Variants in PUM1 observed in about 807,000 individuals in gnomAD.
The protein encoded by PUM1 is pumilio RNA binding family member 1.
A neutral mutation model predicts 131.8 loss-of-function variants in PUM1; 13 were observed. That is an observed-to-expected ratio of 0.10 (90% CI 0.06 to 0.16). The LOEUF is 0.16. Among genes scored for constraint, PUM1 ranks in the 10% least tolerant of loss-of-function variants. The pLI is 1.00. For synonymous variants in PUM1, 509 were observed against 556.5 expected, an observed-to-expected ratio of 0.91 and a Z score of 1.20; for missense variants, 961 against 1,512.4, an observed-to-expected ratio of 0.64 and a Z score of 6.05.
intron 5 of PUM1, among the ~76,000 whole-genome samples, chr1:30,995,677 C>T (rs1343814758): frequency 1.3e-5 from 2 of 152,150 alleles, no homozygotes; most frequent in Non-Finnish European, 2.9e-5. Context: ...TCATACTTCT[C>T]CACTGCACTA....
chr1:30,976,523 T>C (rs961673427), intron 9 of PUM1, among the ~76,000 whole-genome samples: 2 of 152,176 alleles, frequency 1.3e-5, no homozygotes, highest in African/African-American at 2.4e-5. Flanking sequence ...CCAAAATAAA[T>C]AGACACATAT....
chr1:30,944,684 C>T (rs1235278994), intron 18 of PUM1, among the ~76,000 whole-genome samples: 4 of 152,178 alleles, frequency 2.6e-5, no homozygotes, highest in African/African-American at 9.7e-5. Flanking sequence ...AACATTAGTA[C>T]CGTAAATTAC....
At chr1:31,041,285 C>A (rs1241662369) in intron 2 of PUM1, among the ~76,000 whole-genome samples, 2 of 152,020 alleles carry the variant, frequency 1.3e-5, no homozygotes, top group Non-Finnish European at 2.9e-5. Context: ...GTATGTTGCC[C>A]CAGCTGTTCT....
intron 9 of PUM1, 26 bp from the exon 10 acceptor site, chr1:30,974,828 G>C (rs746995069): frequency 1.3e-6 from 2 of 1,591,004 alleles, no homozygotes; most frequent in South Asian, 2.3e-5. Flanking sequence ...GAAAGGTAAA[G>C]AAAGTCTGAA....
intron 2 of PUM1, among the ~76,000 whole-genome samples, chr1:31,031,145 T>TAGG (rs1056695122): frequency 3.4e-5 from 4 of 119,234 alleles, no homozygotes; most frequent in Admixed American, 2.9e-4. Flanking sequence ...GGATGTTAGC[T>TAGG]AGGAACTCTA....
rs182081080 is a variant in PUM1, at chr1:30,968,527, T to G, written c.1507-35A>C. 321 of 1,581,116 alleles carry G rather than the reference T, an allele frequency of 2.0e-4. 7 individuals carry two copies. The East Asian group carries it at 3.3e-3, about 16-fold the overall frequency. On this transcript the variant is annotated intron_variant, in intron 10 of 21. Transcript: ENST00000426105. ...GAAGACAGAAATAACTCAACCACTT[T>G]CTTTTCATTGGAGAAGACCTACCCT... is the stretch of plus-strand genomic sequence containing the variant.
At chr1:30,965,743 G>C (rs1344338497) in intron 13 of PUM1, among the ~76,000 whole-genome samples, 3 of 152,080 alleles carry the variant, frequency 2.0e-5, no homozygotes, top group African/African-American at 7.2e-5. Flanking sequence ...ATCTTCCCTA[G>C]ATTTCAAATC....
At chr1:31,043,549 A>T (rs1324574623) in intron 2 of PUM1, among the ~76,000 whole-genome samples, 1 of 152,170 alleles carries the variant, frequency 6.6e-6, no homozygotes, top group Non-Finnish European at 1.5e-5. Context: ...AATACATATA[A>T]TAACCAAGAC....
intron 2 of PUM1, among the ~76,000 whole-genome samples, chr1:31,056,653 G>T (rs1644248944): frequency 1.0e-5 from 1 of 96,112 alleles, no homozygotes; most frequent in Non-Finnish European, 1.9e-5. Context: ...TTGAGACAGG[G>T]TCCCACTCTG....
chr1:31,005,349 C>T (rs1051479006), intron 5 of PUM1, among the ~76,000 whole-genome samples: 13 of 152,056 alleles, frequency 8.5e-5, no homozygotes, highest in African/African-American at 3.1e-4. Context: ...GAAACAAAGC[C>T]GTTCAAGGAG....
chr1:30,974,013 G>A (rs577808433), intron 10 of PUM1, among the ~76,000 whole-genome samples: 36 of 151,888 alleles, frequency 2.4e-4, no homozygotes, highest in African/African-American at 6.3e-4. Context: ...GCTTGAATCC[G>A]GGATGCGGAG....
At chr1:30,992,075 C>A (rs1384160181) in intron 7 of PUM1, among the ~76,000 whole-genome samples, 8 of 152,178 alleles carry the variant, frequency 5.3e-5, no homozygotes, top group Non-Finnish European at 1.5e-5. Context: ...CATAAATCTT[C>A]AGAGATTAAT....
At chr1:31,021,628 T>G (rs10753242) in intron 3 of PUM1, among the ~76,000 whole-genome samples, 42,691 of 151,992 alleles carry the variant, frequency 0.28, 7,709 homozygotes, top group East Asian at 0.53. Flanking sequence ...AACAGTACTT[T>G]AGAGTCCAGC....
chr1:31,006,999 G>A lies in PUM1; in HGVS notation c.536C>T (p.Thr179Ile), dbSNP rs1408035342. Residue 179 changes from threonine (T) to isoleucine (I), a missense_variant, in exon 4 of 22, where the codon ACA becomes ATA. By Grantham distance (89) the Thr-to-Ile change is moderately conservative. Transcript: ENST00000426105. ...AGATGCTAGATCTAGATTACCTGAT[G>A]TTCCCCAGGCACTGTCTCGCCATTG... Reference protein sequence around the residue: ...GDQWRDSAWGTSDHSVSQPIM... With the variant: ...GDQWRDSAWGISDHSVSQPIM... The A allele has an allele frequency of 1.2e-6, 2 of 1,611,166 alleles. No homozygotes were observed. The highest frequency in any genetic ancestry group is 2.7e-5 in the African/African-American group (2 of 74,858).
At chr1:31,038,984 A>ATATATATATATATATATTTTTTT in intron 2 of PUM1, among the ~76,000 whole-genome samples, 4 of 49,404 alleles carry the variant, frequency 8.1e-5, no homozygotes, top group African/African-American at 2.1e-4. Context: ...ATATATATAT[A>ATATATATATATATATATTTTTTT]TTTTTTTTTT....
intron 10 of PUM1, among the ~76,000 whole-genome samples, chr1:30,972,408 G>A (rs1570168608): frequency 0.021 from 1 of 48 alleles, no homozygotes; most frequent in Non-Finnish European, 0.038. Context: ...GGAGGGGAGG[G>A]GAGGGGAGGG....
At position 30,941,131 on chromosome 1, in the gene PUM1, T is replaced by C; in HGVS notation, c.3242+20A>G. 2 of 1,605,276 alleles carry C rather than the reference T, an allele frequency of 1.2e-6. No homozygotes were observed. The highest frequency in any genetic ancestry group is 2.2e-5 in the South Asian group (2 of 90,108). ...AATCCTCTCTTCTGGGAAATAGTCCTTGTAACTCAAAGCACGTACCTTGCA... is the reference window on the plus strand; with the variant it reads ...AATCCTCTCTTCTGGGAAATAGTCCCTGTAACTCAAAGCACGTACCTTGCA... On this transcript the variant is annotated intron_variant, in intron 20 of 21. Transcript: ENST00000426105.
chr1:30,989,732 T>C (rs1222615154), intron 7 of PUM1, among the ~76,000 whole-genome samples: 1 of 151,956 alleles, frequency 6.6e-6, no homozygotes, highest in Non-Finnish European at 1.5e-5. Flanking sequence ...ACAATTTAAA[T>C]GATAAAGTGA....
chr1:31,032,835 G>A (rs888875918), intron 2 of PUM1, among the ~76,000 whole-genome samples: 14 of 152,090 alleles, frequency 9.2e-5, no homozygotes, highest in African/African-American at 3.4e-4. Flanking sequence ...GCCAGGCGTG[G>A]TGACTCACAC....
Sources: gnomAD v4.1 joint callset for allele counts (sites outside exome capture counted in the v4.1 genomes callset) on GRCh38, gnomAD v4.1.1 for gene constraint, MANE v1.5 for transcripts, NCBI Gene and HGNC (gene_info 2026-07-23, HGNC 2026-07-21) for gene names.